The following BMAL1 variants were observed in gnomAD, a reference collection of about 807,000 sequenced individuals.
BMAL1 encodes basic helix-loop-helix ARNT like 1.
At chr11:13,278,289 G>A in the BMAL1 span, among the ~76,000 whole-genome samples, 1 of 152,328 alleles carries the variant, frequency 6.6e-6, no homozygotes, top group Admixed American at 6.5e-5. Flanking sequence ...CGGGGGGAGG[G>A]GGCAGCTAGC....
chr11:13,346,834 C>T, the BMAL1 span, among the ~76,000 whole-genome samples: 27,454 of 152,196 alleles, frequency 0.18, 3,002 homozygotes, highest in South Asian at 0.31. Context: ...AAAGCATCCT[C>T]ATCACACACC....
the BMAL1 span, among the ~76,000 whole-genome samples, chr11:13,278,780 G>T: frequency 1.3e-5 from 2 of 152,250 alleles, no homozygotes; most frequent in Admixed American, 1.3e-4. Context: ...CAGCGAGCCT[G>T]GCTCCAGCTC....
the BMAL1 span, among the ~76,000 whole-genome samples, chr11:13,287,110 G>A: frequency 2.6e-5 from 4 of 152,308 alleles, no homozygotes; most frequent in East Asian, 5.8e-4. Flanking sequence ...CCACCTCTGA[G>A]TTTTGTTTTC....
the BMAL1 span, chr11:13,277,896 C>T: frequency 1.3e-5 from 2 of 151,640 alleles, no homozygotes; most frequent in East Asian, 3.9e-4. Flanking sequence ...AGTGCGGGCG[C>T]GGGCGCGGGC....
chr11:13,291,271 A>G, the BMAL1 span, among the ~76,000 whole-genome samples: 1 of 152,352 alleles, frequency 6.6e-6, no homozygotes, highest in South Asian at 2.1e-4. Context: ...TTGTTTAGTC[A>G]TCATCACAAC....
At chr11:13,376,748 G>A in the BMAL1 span, 1 of 1,609,560 alleles carries the variant, frequency 6.2e-7, no homozygotes, top group Non-Finnish European at 8.5e-7. Context: ...TGCTGCTGGG[G>A]CCCTGGGGCT....
the BMAL1 span, among the ~76,000 whole-genome samples, chr11:13,284,888 C>A: frequency 6.6e-6 from 1 of 152,138 alleles, no homozygotes; most frequent in Non-Finnish European, 1.5e-5. Flanking sequence ...TGTTCCTCCT[C>A]CCCAGCCCTG....
At chr11:13,322,630 C>G in the BMAL1 span, among the ~76,000 whole-genome samples, 1 of 152,044 alleles carries the variant, frequency 6.6e-6, no homozygotes, top group Non-Finnish European at 1.5e-5. Flanking sequence ...CCTCAAGAAG[C>G]TTACAGGGAG....
the BMAL1 span, among the ~76,000 whole-genome samples, chr11:13,306,940 GT>G: frequency 6.6e-6 from 1 of 152,234 alleles, no homozygotes; most frequent in Non-Finnish European, 1.5e-5. Flanking sequence ...AGCAGCCTCA[GT>G]TTTACAATCC....
chr11:13,313,933 C>A, the BMAL1 span, among the ~76,000 whole-genome samples: 1 of 145,506 alleles, frequency 6.9e-6, no homozygotes, highest in African/African-American at 2.5e-5. Flanking sequence ...CCCTAACTCA[C>A]ATTTCTAACC....
At chr11:13,348,219 C>T in the BMAL1 span, among the ~76,000 whole-genome samples, 1 of 152,146 alleles carries the variant, frequency 6.6e-6, no homozygotes, top group African/African-American at 2.4e-5. Flanking sequence ...AAACGTGGGC[C>T]CAGCAGAGGC....
the BMAL1 span, among the ~76,000 whole-genome samples, chr11:13,324,539 C>G: frequency 6.6e-6 from 1 of 152,242 alleles, no homozygotes; most frequent in Non-Finnish European, 1.5e-5. Flanking sequence ...TGCCCCCTCT[C>G]CCCGCTGCTT....
chr11:13,373,599 C>T, the BMAL1 span, among the ~76,000 whole-genome samples: 3 of 152,130 alleles, frequency 2.0e-5, no homozygotes, highest in Admixed American at 6.5e-5. Context: ...CTTGACCTCC[C>T]GGGCTCAAGC....
chr11:13,308,972 G>A, the BMAL1 span, among the ~76,000 whole-genome samples: 1 of 152,094 alleles, frequency 6.6e-6, no homozygotes, highest in Non-Finnish European at 1.5e-5. Flanking sequence ...CATTTTTGCA[G>A]ATGAAAAGAG....
chr11:13,278,136 C>T, the BMAL1 span, among the ~76,000 whole-genome samples: 1 of 152,194 alleles, frequency 6.6e-6, no homozygotes, highest in East Asian at 1.9e-4. Flanking sequence ...CCCTTAAAGG[C>T]GCCGCGCCCG....
chr11:13,366,228 G>T, the BMAL1 span, among the ~76,000 whole-genome samples: 1 of 152,140 alleles, frequency 6.6e-6, no homozygotes, highest in Non-Finnish European at 1.5e-5. Context: ...AAAGATTTCT[G>T]CTCTTTTTAG....
At chr11:13,289,307 T>G in the BMAL1 span, among the ~76,000 whole-genome samples, 2 of 152,062 alleles carry the variant, frequency 1.3e-5, no homozygotes, top group Non-Finnish European at 2.9e-5. Flanking sequence ...AGGGCATGTT[T>G]AGGGAATCTG....
At chr11:13,378,304 C>T in the BMAL1 span, 1 of 1,559,102 alleles carries the variant, frequency 6.4e-7, no homozygotes, top group Non-Finnish European at 8.6e-7. Context: ...CCTCAGTTTT[C>T]CCCTTTCCTA....
the BMAL1 span, among the ~76,000 whole-genome samples, chr11:13,286,469 G>T: frequency 6.6e-6 from 1 of 152,258 alleles, no homozygotes; most frequent in Non-Finnish European, 1.5e-5. Context: ...TATCCTCTTT[G>T]AACTTTGATT....
Sources: gnomAD v4.1 joint callset for allele counts (sites outside exome capture counted in the v4.1 genomes callset) on GRCh38, gnomAD v4.1.1 for gene constraint, MANE v1.5 for transcripts, NCBI Gene and HGNC (gene_info 2026-07-23, HGNC 2026-07-21) for gene names.